THNSL1: variants seen among roughly 807,000 people sequenced by gnomAD.
The protein encoded by THNSL1 is threonine synthase-like 1.
In THNSL1, 48 loss-of-function variants were observed where a neutral mutation model predicts 50.4. The observed-to-expected ratio is 0.95, with a 90% confidence interval of 0.76 to 1.21. The LOEUF (loss-of-function observed/expected upper bound fraction) is 1.21. Among genes scored for constraint, THNSL1 ranks in the 50% most tolerant of loss-of-function variants. The pLI is 0.00. For synonymous variants in THNSL1, 309 were observed against 306.1 expected (o/e 1.01, Z -0.10); for missense variants, 896 against 871.7 (o/e 1.03, Z -0.35).
the THNSL1 span, among the ~76,000 whole-genome samples, chr10:24,986,511 T>C: frequency 6.6e-6 from 1 of 152,224 alleles, no homozygotes; most frequent in Non-Finnish European, 1.5e-5. Context: ...AGCCTTTCAT[T>C]ATGAAATGTG....
At chr10:24,956,686 C>A in the THNSL1 span, among the ~76,000 whole-genome samples, 15 of 152,180 alleles carry the variant, frequency 9.9e-5, no homozygotes, top group African/African-American at 3.4e-4. Context: ...TCTCTTCTAG[C>A]TGATTTGAAA....
intron 1 of THNSL1, among the ~76,000 whole-genome samples, chr10:25,017,084 T>G (rs1312125800): frequency 2.0e-5 from 3 of 152,164 alleles, no homozygotes; most frequent in Non-Finnish European, 4.4e-5. Flanking sequence ...GCGCCTGCTC[T>G]TCCCCGGGTC....
chr10:24,962,496 A>G, the THNSL1 span, among the ~76,000 whole-genome samples: 38 of 152,348 alleles, frequency 2.5e-4, no homozygotes, highest in African/African-American at 9.1e-4. Context: ...CTAAATCTCA[A>G]TATTTATAGT....
the THNSL1 span, among the ~76,000 whole-genome samples, chr10:24,987,917 C>T: frequency 6.6e-6 from 1 of 151,886 alleles, no homozygotes; most frequent in African/African-American, 2.4e-5. Context: ...AACAAAGGGG[C>T]CCACAATGTA....
the THNSL1 span, among the ~76,000 whole-genome samples, chr10:25,004,133 T>A: frequency 2.0e-5 from 3 of 152,224 alleles, no homozygotes; most frequent in Non-Finnish European, 4.4e-5. Flanking sequence ...CTGAATAGTA[T>A]CCCATGGTGT....
Position 25,024,864 on chromosome 10 carries a change from A to G in THNSL1, c.1641A>G (p.Gly547=). 22 of 1,614,102 alleles carry G rather than the reference A, an allele frequency of 1.4e-5. No individual in the cohort carries two copies. Among genetic ancestry groups the G allele is most frequent in the Non-Finnish European group, 1.8e-5 (21 of 1,180,028 alleles). ...NHVLTDFIKT[G]HYDLRERKLA... is the part of the protein sequence containing the mutation. ...TTTTGACTGATTTTATAAAAACAGG[A>G]CATTATGATCTAAGGGAAAGAAAAC... Residue 547 remains glycine, a synonymous_variant, in exon 3 of 3, where the codon GGA becomes GGG. Transcript: ENST00000376356.
At chr10:24,995,540 A>G in the THNSL1 span, 1 of 996,086 alleles carries the variant, frequency 1.0e-6, no homozygotes, top group Non-Finnish European at 1.5e-6. Flanking sequence ...AAAGTAGACA[A>G]TGTGTCCAAT....
the THNSL1 span, among the ~76,000 whole-genome samples, chr10:25,000,830 C>A: frequency 6.6e-6 from 1 of 151,910 alleles, no homozygotes; most frequent in African/African-American, 2.4e-5. Context: ...TTTTACATAT[C>A]CCCTTGCTCA....
the THNSL1 span, among the ~76,000 whole-genome samples, chr10:24,978,051 A>G: frequency 1.3e-5 from 2 of 152,168 alleles, no homozygotes; most frequent in African/African-American, 4.8e-5. Context: ...AGAATAAAAA[A>G]TCTACATCTA....
the THNSL1 span, among the ~76,000 whole-genome samples, chr10:24,991,908 G>A: frequency 5.1e-3 from 776 of 152,294 alleles, 6 homozygotes; most frequent in African/African-American, 0.018. Context: ...CATAGACCCT[G>A]CTTTGGAGTC....
chr10:25,026,232 G>GT lies in THNSL1; in HGVS notation c.*778dup, dbSNP rs1212595560. Reference sequence around the variant, plus strand: ...TTCCATTTTGGACTACAACTAATGTGTATCTCACACTGTCCAAATTAAAGA... The same window carrying GT: ...TTCCATTTTGGACTACAACTAATGTGTTATCTCACACTGTCCAAATTAAAGA... On this transcript the variant is annotated 3_prime_UTR_variant, in exon 3 of 3. Transcript: ENST00000376356. The GT allele has an allele frequency of 6.0e-6, 1 of 166,832 alleles. No homozygotes were observed. Among genetic ancestry groups the GT allele is most frequent in the African/African-American group, 2.4e-5 (1 of 41,458 alleles). The allele number at this position is 166,832 out of a possible 1,614,324, so 10.3% of individuals were successfully genotyped here.
At chr10:24,968,534 T>TA in the THNSL1 span, among the ~76,000 whole-genome samples, 2 of 152,178 alleles carry the variant, frequency 1.3e-5, no homozygotes, top group African/African-American at 4.8e-5. Context: ...GTGCCGTACT[T>TA]AGACCTGCCT....
upstream of THNSL1, among the ~76,000 whole-genome samples, chr10:25,014,037 G>A (rs189859993): frequency 2.9e-3 from 445 of 152,236 alleles, 2 homozygotes; most frequent in African/African-American, 0.011. Context: ...TTTGAAAACT[G>A]AATCATGACT....
intron 1 of THNSL1, among the ~76,000 whole-genome samples, chr10:25,021,214 TTGTGCTAACCACTATGATA>T: frequency 6.6e-6 from 1 of 152,332 alleles, no homozygotes; most frequent in Non-Finnish European, 1.5e-5. Flanking sequence ...TGTAAATATT[TTGTGCTAACCACTATGATA>T]TGTGCTTTGA....
chr10:24,985,985 C>A, the THNSL1 span, among the ~76,000 whole-genome samples: 1 of 152,102 alleles, frequency 6.6e-6, no homozygotes, highest in Non-Finnish European at 1.5e-5. Context: ...GGAGGATCAC[C>A]TGAGCTCAGG....
At chr10:24,970,865 A>G in the THNSL1 span, among the ~76,000 whole-genome samples, 1 of 152,098 alleles carries the variant, frequency 6.6e-6, no homozygotes, top group African/African-American at 2.4e-5. Context: ...CTCTACTAGA[A>G]ATACAAAAAT....
At chr10:24,971,215 C>T in the THNSL1 span, among the ~76,000 whole-genome samples, 1 of 152,106 alleles carries the variant, frequency 6.6e-6, no homozygotes, top group Non-Finnish European at 1.5e-5. Flanking sequence ...TCTCTCACCT[C>T]AGCCACCTGA....
chr10:25,000,826 A>G, the THNSL1 span, among the ~76,000 whole-genome samples: 2 of 151,992 alleles, frequency 1.3e-5, no homozygotes, highest in African/African-American at 4.8e-5. Context: ...GTTTTTTTAC[A>G]TATCCCCTTG....
the THNSL1 span, among the ~76,000 whole-genome samples, chr10:24,975,950 AG>A: frequency 2.0e-5 from 3 of 152,252 alleles, no homozygotes; most frequent in African/African-American, 7.2e-5. Flanking sequence ...CATTGAATAA[AG>A]TGACATCTAA....
Sources: allele counts gnomAD v4.1 joint callset (sites outside exome capture counted in the v4.1 genomes callset), GRCh38; gene constraint gnomAD v4.1.1; transcripts MANE v1.5; gene names NCBI Gene and HGNC (gene_info 2026-07-23, HGNC 2026-07-21).